Variants in DPYSL3 observed in about 807,000 individuals in gnomAD.
The protein encoded by DPYSL3 is dihydropyrimidinase-related protein 3.
Under a neutral mutation model 66.1 loss-of-function variants are expected in DPYSL3, and 16 were observed. The observed-to-expected ratio is 0.24, with a 90% CI of 0.16 to 0.37. DPYSL3 has a LOEUF of 0.37. Among genes scored for constraint, DPYSL3 ranks in the 10% least tolerant of loss-of-function variants. The pLI is 1.00. For synonymous variants in DPYSL3, 338 were observed against 345.1 expected, an observed-to-expected ratio of 0.98 and a Z score of 0.23; for missense variants, 738 against 916.2, an observed-to-expected ratio of 0.81 and a Z score of 2.51.
chr5:147,397,927 C>T (rs1758045567), intron 11 of DPYSL3, 82 bp from the exon 12 acceptor site: 2 of 1,365,016 alleles, frequency 1.5e-6, no homozygotes, highest in South Asian at 1.6e-5. Context: ...CCTTCAGTGT[C>T]ATTTGCTGCT....
Position 147,408,774 on chromosome 5 carries a change from A to G in DPYSL3, c.986T>C (p.Met329Thr), listed in dbSNP as rs1751781166. ...IAQEQTRMLE[M>T]GITGPEGHVL... ...ATGGCCTTCTGGGCCAGTTATCCCC[A>G]TTTCCAACATGCGGGTTTGCTCCTG... Residue 329 changes from methionine (M) to threonine (T), a missense_variant, in exon 7 of 14, where the codon ATG becomes ACG. Coordinates refer to ENST00000343218, the MANE Select transcript of DPYSL3 (RefSeq NM_001197294.2). 6.2e-7 allele frequency: 1 copy of G among 1,614,176 alleles called. No homozygotes were observed. Among genetic ancestry groups the G allele is most frequent in the Non-Finnish European group, 8.5e-7 (1 of 1,180,028 alleles).
At chr5:147,469,639 C>A (rs570743808) in intron 1 of DPYSL3, among the ~76,000 whole-genome samples, 1 of 152,246 alleles carries the variant, frequency 6.6e-6, no homozygotes. Context: ...GGTGAACCTC[C>A]AAAAATTCCA....
intron 10 of DPYSL3, among the ~76,000 whole-genome samples, chr5:147,400,136 A>G (rs1482020718): frequency 6.6e-6 from 1 of 152,206 alleles, no homozygotes; most frequent in East Asian, 1.9e-4. Flanking sequence ...AAAATCTTTG[A>G]AAGAGTCTTA....
intron 7 of DPYSL3, among the ~76,000 whole-genome samples, chr5:147,407,345 A>G (rs1446701057): frequency 6.6e-6 from 1 of 152,090 alleles, no homozygotes; most frequent in Non-Finnish European, 1.5e-5. Context: ...TAAAAAGGAG[A>G]CAGGAATAAG....
At chr5:147,395,020 C>T (rs1054993697) in intron 13 of DPYSL3, among the ~76,000 whole-genome samples, 2 of 152,064 alleles carry the variant, frequency 1.3e-5, no homozygotes, top group African/African-American at 2.4e-5. Context: ...TCAGAGAGTT[C>T]GTAAAGAATA....
intron 2 of DPYSL3, among the ~76,000 whole-genome samples, chr5:147,423,736 A>C (rs909443881): frequency 6.6e-6 from 1 of 152,106 alleles, no homozygotes; most frequent in East Asian, 1.9e-4. Flanking sequence ...TTTTTGAGAC[A>C]GAGCCTAGCT....
Position 147,498,707 on chromosome 5 carries a change from T to C in DPYSL3, c.381+10771A>G, listed in dbSNP as rs137907518. The stretch of plus-strand genomic sequence containing the variant: ...ATGACCAGTGATGTTGAGCTTTTTT[T>C]CATATGATTGTTGGCTGCATGTATG... On this transcript the variant is annotated intron_variant, in intron 1 of 13. Coordinates refer to ENST00000343218, the MANE Select transcript of DPYSL3 (RefSeq NM_001197294.2). 7.9e-4 allele frequency among the ~76,000 whole-genome samples: 120 copies of C among 152,358 alleles called. 1 individual carries two copies. Among genetic ancestry groups the C allele is most frequent in the African/African-American group, 2.8e-3 (115 of 41,596 alleles).
intron 1 of DPYSL3, among the ~76,000 whole-genome samples, chr5:147,443,161 A>G (rs1317175509): frequency 6.6e-6 from 1 of 152,236 alleles, no homozygotes; most frequent in African/African-American, 2.4e-5. Flanking sequence ...TACCCAAAGA[A>G]ATATAAATCA....
chr5:147,402,903 CAA>C (rs1029208429), intron 8 of DPYSL3, among the ~76,000 whole-genome samples: 4 of 152,122 alleles, frequency 2.6e-5, no homozygotes. Context: ...TGGTTGGTAC[CAA>C]GTTTCTCTAT....
At chr5:147,404,405 G>C (rs940270127) in intron 8 of DPYSL3, among the ~76,000 whole-genome samples, 1 of 152,318 alleles carries the variant, frequency 6.6e-6, no homozygotes, top group South Asian at 2.1e-4. Context: ...AGCCATCAGC[G>C]TCAGCTGAGA....
chr5:147,494,950 A>C (rs1385347542), intron 1 of DPYSL3, among the ~76,000 whole-genome samples: 1 of 151,642 alleles, frequency 6.6e-6, no homozygotes, highest in Non-Finnish European at 1.5e-5. Context: ...GATTTGATAA[A>C]CTAGATGAAA....
intron 1 of DPYSL3, among the ~76,000 whole-genome samples, chr5:147,474,881 T>TA (rs1561800316): frequency 6.6e-6 from 1 of 152,052 alleles, no homozygotes; most frequent in East Asian, 1.9e-4. Flanking sequence ...AATCTAAGTG[T>TA]AGAACATTTT....
intron 1 of DPYSL3, among the ~76,000 whole-genome samples, chr5:147,499,589 C>T (rs1315177885): frequency 6.6e-6 from 1 of 152,152 alleles, no homozygotes; most frequent in East Asian, 1.9e-4. Context: ...ATTCCTTGCT[C>T]ATGGACAGGA....
At chr5:147,487,501 A>ACACCTGT (rs760885204) in intron 1 of DPYSL3, among the ~76,000 whole-genome samples, 2 of 152,128 alleles carry the variant, frequency 1.3e-5, no homozygotes, top group Non-Finnish European at 2.9e-5. Context: ...AAACACACAT[A>ACACCTGT]CACCTGTGCC....
intron 9 of DPYSL3, 42 bp from the exon 10 acceptor site, chr5:147,400,875 T>C: frequency 1.3e-6 from 2 of 1,599,380 alleles, no homozygotes; most frequent in Non-Finnish European, 8.5e-7. Context: ...GGGAGATGGC[T>C]GGAGGCACAC....
At chr5:147,444,647 C>T (rs1480206986) in intron 1 of DPYSL3, among the ~76,000 whole-genome samples, 1 of 152,138 alleles carries the variant, frequency 6.6e-6, no homozygotes, top group Non-Finnish European at 1.5e-5. Flanking sequence ...CCTATTGAAA[C>T]CATAAACTCT....
At chr5:147,486,405 C>A (rs1008178168) in intron 1 of DPYSL3, among the ~76,000 whole-genome samples, 15 of 152,178 alleles carry the variant, frequency 9.9e-5, no homozygotes, top group Admixed American at 4.6e-4. Context: ...CCTCTCAAGT[C>A]CTCAGTTTTC....
chr5:147,492,024 T>G (rs1200389645), intron 1 of DPYSL3, among the ~76,000 whole-genome samples: 1 of 152,026 alleles, frequency 6.6e-6, no homozygotes, highest in East Asian at 1.9e-4. Flanking sequence ...AAATCAAATA[T>G]TTTTGAAAAT....
Position 147,399,233 on chromosome 5 carries a change from T to G in DPYSL3, c.1472A>C (p.Glu491Ala), listed in dbSNP as rs764576617. 1.2e-6 allele frequency: 2 copies of G among 1,614,180 alleles called. No individual in the cohort carries two copies. Among genetic ancestry groups the G allele is most frequent in the Non-Finnish European group, 1.7e-6 (2 of 1,180,026 alleles). Residue 491 changes from glutamate to alanine, a missense_variant, in exon 11 of 14, where the codon GAA becomes GCA. Glu to Ala is a moderately radical substitution (Grantham distance 107). Transcript: ENST00000343218. ...DKAVATGKMD[E>A]NQFVAVTSTN... Reference sequence around the variant, plus strand: ...GCTTGTCACAGCCACGAACTGGTTTTCGTCCATTTTCCCTGTGGCCTATTG... The same window carrying G: ...GCTTGTCACAGCCACGAACTGGTTTGCGTCCATTTTCCCTGTGGCCTATTG...
Sources: allele counts gnomAD v4.1 joint callset (sites outside exome capture counted in the v4.1 genomes callset), GRCh38; gene constraint gnomAD v4.1.1; transcripts MANE v1.5; gene names NCBI Gene and HGNC (gene_info 2026-07-23, HGNC 2026-07-21).